Variants in SLC4A4 observed in about 807,000 individuals in gnomAD.
The protein encoded by SLC4A4 is electrogenic sodium bicarbonate cotransporter 1.
SLC4A4 carries 27 observed loss-of-function variants against 111.5 expected under a neutral mutation model. That is an observed-to-expected ratio of 0.24 (90% confidence interval 0.18 to 0.33). SLC4A4 has a LOEUF of 0.33. Among genes scored for constraint, SLC4A4 ranks in the 10% least tolerant of loss-of-function variants. The pLI is 1.00. For missense variants in SLC4A4, 909 were observed against 1,315.5 expected, an observed-to-expected ratio of 0.69 and a Z score of 4.78; for synonymous variants, 443 against 463.4, an observed-to-expected ratio of 0.96 and a Z score of 0.57.
intron 13 of SLC4A4, among the ~76,000 whole-genome samples, chr4:71,469,083 A>G (rs1197430369): frequency 6.6e-6 from 1 of 152,006 alleles, no homozygotes; most frequent in Non-Finnish European, 1.5e-5. Flanking sequence ...ATAGCTCACA[A>G]CTTTTCAAAG....
intron 24 of SLC4A4, 88 bp from the exon 25 acceptor site, chr4:71,566,916 T>A (rs893234922): frequency 3.0e-6 from 3 of 989,144 alleles, no homozygotes; most frequent in South Asian, 1.3e-5. Flanking sequence ...TTACCAGTTA[T>A]GGAAGATGCA....
chr4:71,175,927 C>T (rs549392093), intron 2 of SLC4A4, among the ~76,000 whole-genome samples: 5 of 152,230 alleles, frequency 3.3e-5, no homozygotes, highest in Non-Finnish European at 5.9e-5. Context: ...AGGCACCCCC[C>T]AGTAGGGGCA....
chr4:71,533,068 A>G (rs1421774644), intron 17 of SLC4A4, among the ~76,000 whole-genome samples: 1 of 152,028 alleles, frequency 6.6e-6, no homozygotes, highest in African/African-American at 2.4e-5. Flanking sequence ...TCCCTCCACT[A>G]CTGAGATCAT....
At chr4:71,554,879 T>C (rs1736337899) in intron 20 of SLC4A4, among the ~76,000 whole-genome samples, 1 of 151,702 alleles carries the variant, frequency 6.6e-6, no homozygotes, top group South Asian at 2.1e-4. Context: ...TAAAAAAAAG[T>C]TATTAGTAAG....
intron 8 of SLC4A4, among the ~76,000 whole-genome samples, chr4:71,443,116 C>CTCTCTCTATATATATATATA (rs1198759861): frequency 4.6e-5 from 3 of 65,652 alleles, no homozygotes; most frequent in African/African-American, 1.7e-4. Flanking sequence ...CTCTCTCTCT[C>CTCTCTCTATATATATATATA]TATATATATA....
intron 16 of SLC4A4, among the ~76,000 whole-genome samples, chr4:71,530,272 A>C (rs979263065): frequency 1.3e-5 from 2 of 152,124 alleles, no homozygotes; most frequent in African/African-American, 4.8e-5. Flanking sequence ...AACTTATATT[A>C]GGAGAGTTTA....
intron 2 of SLC4A4, among the ~76,000 whole-genome samples, chr4:71,128,987 G>A (rs1382936365): frequency 2.0e-5 from 3 of 152,080 alleles, no homozygotes; most frequent in Admixed American, 6.5e-5. Context: ...AGACTTAAAT[G>A]TAAGGCCTAA....
chr4:71,316,571 G>A (rs1351128870), intron 3 of SLC4A4, among the ~76,000 whole-genome samples: 1 of 152,014 alleles, frequency 6.6e-6, no homozygotes, highest in Admixed American at 6.6e-5. Flanking sequence ...TTAATTTAAA[G>A]TTCCAGATAC....
In SLC4A4 at chr4:71,555,128, T is replaced by C. The variant is rs748757804; in HGVS notation, c.2695-12T>C. ...TATCATTTTTAAGTTGTATCCATTTTTTTCCTTCTAGTTTATACCCATGCC... is the reference window on the plus strand; with the variant it reads ...TATCATTTTTAAGTTGTATCCATTTCTTTCCTTCTAGTTTATACCCATGCC... On this transcript the variant is annotated splice_polypyrimidine_tract_variant and intron_variant, in intron 20 of 25. Coordinates refer to ENST00000264485, the MANE Select transcript of SLC4A4 (RefSeq NM_001098484.3). 1 of 1,585,380 alleles carries C rather than the reference T, an allele frequency of 6.3e-7. No homozygotes were observed. Among genetic ancestry groups the C allele is most frequent in the South Asian group, 1.1e-5 (1 of 90,488 alleles).
chr4:71,123,334 AG>A (rs1743484058), intron 2 of SLC4A4, among the ~76,000 whole-genome samples: 1 of 152,354 alleles, frequency 6.6e-6, no homozygotes, highest in Non-Finnish European at 1.5e-5. Context: ...GGAAAAAGAA[AG>A]TTTCCAAAGA....
At chr4:71,420,338 A>G (rs912317955) in intron 7 of SLC4A4, among the ~76,000 whole-genome samples, 14 of 152,228 alleles carry the variant, frequency 9.2e-5, no homozygotes, top group Non-Finnish European at 1.9e-4. Flanking sequence ...GGACTATGTG[A>G]AAAGACCAAA....
intron 7 of SLC4A4, among the ~76,000 whole-genome samples, chr4:71,410,869 AAAATAAC>A (rs753813902): frequency 1.3e-5 from 2 of 152,206 alleles, no homozygotes; most frequent in Non-Finnish European, 2.9e-5. Flanking sequence ...TCCTTTCTTG[AAAATAAC>A]AAGCCACTAG....
At chr4:71,518,824 C>T (rs1007900472) in intron 16 of SLC4A4, among the ~76,000 whole-genome samples, 4 of 152,168 alleles carry the variant, frequency 2.6e-5, no homozygotes, top group Non-Finnish European at 4.4e-5. Flanking sequence ...GGTGTGGGGG[C>T]AACCCGGATC....
chr4:71,174,413 G>C (rs1435400846), intron 2 of SLC4A4, among the ~76,000 whole-genome samples: 1 of 151,898 alleles, frequency 6.6e-6, no homozygotes, highest in East Asian at 1.9e-4. Flanking sequence ...ACTACGCCCA[G>C]CTAATTGTAT....
intron 2 of SLC4A4, among the ~76,000 whole-genome samples, chr4:71,117,881 T>C (rs1312288898): frequency 7.3e-5 from 11 of 151,290 alleles, no homozygotes; most frequent in Non-Finnish European, 8.9e-5. Context: ...ATTTTCTTTT[T>C]TTTTTTTTTT....
chr4:71,112,286 A>G (rs1014687055), intron 2 of SLC4A4, among the ~76,000 whole-genome samples: 1 of 152,198 alleles, frequency 6.6e-6, no homozygotes, highest in Admixed American at 6.5e-5. Context: ...TCTTTTTCTA[A>G]TGTCTCTATT....
At chr4:71,276,027 A>T (rs1433472454) in intron 3 of SLC4A4, among the ~76,000 whole-genome samples, 1 of 152,240 alleles carries the variant, frequency 6.6e-6, no homozygotes, top group East Asian at 1.9e-4. Context: ...TTCCAAGACA[A>T]TTAGCAAGCC....
intron 2 of SLC4A4, among the ~76,000 whole-genome samples, chr4:71,176,326 G>A (rs1039089288): frequency 2.0e-5 from 3 of 152,310 alleles, no homozygotes; most frequent in South Asian, 2.1e-4. Context: ...AAAGCTGGAC[G>A]GAGAATGACT....
At position 71,556,323 on chromosome 4, in the gene SLC4A4, T is replaced by TA. The variant is rs533945502; in HGVS notation, c.2763+1120dup. Among the ~76,000 whole-genome samples, 141 of 152,126 alleles carry TA rather than the reference T, an allele frequency of 9.3e-4. 2 individuals are homozygous for TA. The highest frequency in any genetic ancestry group is 3.2e-3 in the African/African-American group (132 of 41,558). On this transcript the variant is annotated intron_variant, in intron 21 of 25. Coordinates refer to ENST00000264485, the MANE Select transcript of SLC4A4 (RefSeq NM_001098484.3). ...GAAACTTTTGGGAAGCATAAATCTGTAAAAATATTTTATTTTTACCTGCCA... is the reference window on the plus strand; with the variant it reads ...GAAACTTTTGGGAAGCATAAATCTGTAAAAAATATTTTATTTTTACCTGCCA...
Sources: allele counts gnomAD v4.1 joint callset (sites outside exome capture counted in the v4.1 genomes callset), GRCh38; gene constraint gnomAD v4.1.1; transcripts MANE v1.5; gene names NCBI Gene and HGNC (gene_info 2026-07-23, HGNC 2026-07-21).